The following THADA variants were observed in gnomAD, a reference collection of about 807,000 sequenced individuals.
THADA encodes THADA armadillo repeat containing.
Under a neutral mutation model 219.8 loss-of-function variants are expected in THADA, and 213 were observed. That is an observed-to-expected ratio of 0.97 (90% confidence interval 0.87 to 1.09). The LOEUF (loss-of-function observed/expected upper bound fraction) is 1.09. Among genes scored for constraint, THADA ranks in the 50% least tolerant of loss-of-function variants. The pLI is 0.00. For synonymous variants in THADA, 1,018 were observed against 828.9 expected, an observed-to-expected ratio of 1.23 and a Z score of -3.92; for missense variants, 2,956 against 2,311.3, an observed-to-expected ratio of 1.28 and a Z score of -5.72.
At chr2:43,383,079 A>C (rs1469701838) in intron 29 of THADA, among the ~76,000 whole-genome samples, 1 of 152,218 alleles carries the variant, frequency 6.6e-6, no homozygotes, top group Non-Finnish European at 1.5e-5. Context: ...ACAACAAAGA[A>C]AGCACCATGT....
chr2:43,518,870 T>C (rs909307375), intron 22 of THADA, among the ~76,000 whole-genome samples: 5 of 152,054 alleles, frequency 3.3e-5, no homozygotes, highest in African/African-American at 1.2e-4. Context: ...ACTGCTAAAA[T>C]ATTGGGGGAG....
intron 26 of THADA, among the ~76,000 whole-genome samples, chr2:43,454,271 C>T (rs1682714484): frequency 6.6e-6 from 1 of 152,152 alleles, no homozygotes; most frequent in African/African-American, 2.4e-5. Flanking sequence ...AGAAATTCCA[C>T]TTTGTCCATT....
chr2:43,455,975 C>A (rs947674057), intron 26 of THADA, among the ~76,000 whole-genome samples: 2 of 152,122 alleles, frequency 1.3e-5, no homozygotes, highest in Admixed American at 1.3e-4. Flanking sequence ...CAATTATATT[C>A]ACTGTTATTT....
chr2:43,287,305 T>A (rs546090501), intron 34 of THADA, among the ~76,000 whole-genome samples: 1 of 152,158 alleles, frequency 6.6e-6, no homozygotes, highest in Non-Finnish European at 1.5e-5. Context: ...AGTCTTTTTT[T>A]TTGGTTTGAG....
At chr2:43,471,320 C>G (rs1684877370) in intron 26 of THADA, among the ~76,000 whole-genome samples, 1 of 152,044 alleles carries the variant, frequency 6.6e-6, no homozygotes, top group South Asian at 2.1e-4. Context: ...GAGCCCAGGA[C>G]TTTGAGACCA....
At chr2:43,372,129 A>G (rs923108450) in intron 29 of THADA, 3 of 152,234 alleles carry the variant, frequency 2.0e-5, no homozygotes, top group Admixed American at 2.0e-4. Context: ...TCAGCTAAAC[A>G]ATTTTTAAAC....
At chr2:43,584,164 G>A (rs1700764793) in intron 7 of THADA, among the ~76,000 whole-genome samples, 1 of 151,824 alleles carries the variant, frequency 6.6e-6, no homozygotes, top group African/African-American at 2.4e-5. Context: ...TAGAATAGAG[G>A]TTACCTGGGG....
At chr2:43,442,637 A>T (rs1259238436) in intron 26 of THADA, among the ~76,000 whole-genome samples, 1 of 152,216 alleles carries the variant, frequency 6.6e-6, no homozygotes, top group Non-Finnish European at 1.5e-5. Flanking sequence ...TGCCAAGCTA[A>T]GCAGCTTTGC....
intron 31 of THADA, among the ~76,000 whole-genome samples, chr2:43,311,255 C>G (rs2104438190): frequency 6.6e-6 from 1 of 151,938 alleles, no homozygotes; most frequent in African/African-American, 2.4e-5. Flanking sequence ...TATAAATGAC[C>G]AACTAGCACT....
At chr2:43,381,251 G>A (rs1018509670) in intron 29 of THADA, among the ~76,000 whole-genome samples, 1 of 152,010 alleles carries the variant, frequency 6.6e-6, no homozygotes, top group African/African-American at 2.4e-5. Flanking sequence ...ATGTAATACT[G>A]GATTATAACC....
rs71410163 is a variant in THADA, at chr2:43,310,226, GCCCC to G, written c.4438+10216_4438+10219del. 5.1e-3 allele frequency among the ~76,000 whole-genome samples: 278 copies of G among 54,082 alleles called. 13 individuals carry two copies. Among genetic ancestry groups the G allele is most frequent in the African/African-American group, 0.018 (267 of 14,910 alleles). 35.5% of individuals were successfully genotyped at this position (54,082 alleles called of 152,430 possible). A position where few individuals can be genotyped will look rare whatever the true frequency, so the allele number is the denominator to read the frequency against. On this transcript the variant is annotated intron_variant, in intron 31 of 37. Transcript: ENST00000405975. ...CCCTCCCTCCCTCCCTCCCTTTCCCGCCCCCCCCCCAAACAAGCTGATCCTAAAA... is the reference window on the plus strand; with the variant it reads ...CCCTCCCTCCCTCCCTCCCTTTCCCGCCCCCCAAACAAGCTGATCCTAAAA...
intron 30 of THADA, among the ~76,000 whole-genome samples, chr2:43,341,630 C>G (rs990583013): frequency 1.3e-5 from 2 of 152,092 alleles, no homozygotes; most frequent in Non-Finnish European, 2.9e-5. Context: ...GAGTAGCAAG[C>G]TAAGGGGGCA....
chr2:43,470,718 T>C (rs1684811888), intron 26 of THADA, among the ~76,000 whole-genome samples: 1 of 152,202 alleles, frequency 6.6e-6, no homozygotes, highest in Non-Finnish European at 1.5e-5. Flanking sequence ...AATAAGCATA[T>C]ACTACTTTCA....
At chr2:43,484,708 A>G (rs1313499649) in intron 26 of THADA, among the ~76,000 whole-genome samples, 1 of 152,128 alleles carries the variant, frequency 6.6e-6, no homozygotes, top group African/African-American at 2.4e-5. Context: ...TTAGAGGTTA[A>G]ACATAAAACT....
At chr2:43,433,733 G>A (rs1253913793) in intron 26 of THADA, among the ~76,000 whole-genome samples, 1 of 152,026 alleles carries the variant, frequency 6.6e-6, no homozygotes, top group African/African-American at 2.4e-5. Flanking sequence ...TGTTGCCCAG[G>A]CTGGAGTGCA....
At chr2:43,312,969 T>G (rs1677681245) in intron 31 of THADA, among the ~76,000 whole-genome samples, 1 of 152,204 alleles carries the variant, frequency 6.6e-6, no homozygotes, top group Non-Finnish European at 1.5e-5. Context: ...CTAATTAGAC[T>G]AAATAATCAA....
chr2:43,233,119 T>G (rs1422483666), intron 36 of THADA: 3 of 516,764 alleles, frequency 5.8e-6, no homozygotes, highest in Non-Finnish European at 1.0e-5. Flanking sequence ...CCTAACTCAG[T>G]GTGGACAGAA....
Position 43,299,181 on chromosome 2 carries a change from T to TA in THADA, c.4439-5969_4439-5968insT, listed in dbSNP as rs766457872. ...GATGTCTCATTATATATGCAAATATTTAAAAAAAAAAAACCCAAACCTGAA... is the reference window on the plus strand; with the variant it reads ...GATGTCTCATTATATATGCAAATATTATAAAAAAAAAAAACCCAAACCTGAA... On this transcript the variant is annotated intron_variant, in intron 31 of 37. Transcript: ENST00000405975. Among the ~76,000 whole-genome samples, 5 of 146,046 alleles carry TA rather than the reference T, an allele frequency of 3.4e-5. No individual in the cohort carries two copies. The East Asian group carries it at 7.9e-4, about 23-fold the overall frequency.
Position 43,508,645 on chromosome 2 carries a change from T to C in THADA, c.3507+3A>G, listed in dbSNP as rs943620170. On this transcript the variant is annotated splice_donor_region_variant and intron_variant, in intron 23 of 37. Transcript: ENST00000405975. ...AAACAGCTAGGGTCCTACAGATAAA[T>C]ACCTGTATGTAGAAAGGAATTCCAG... 1.2e-6 allele frequency: 2 copies of C among 1,612,458 alleles called. No individual in the cohort carries two copies. The highest frequency in any genetic ancestry group is 1.7e-6 in the Non-Finnish European group (2 of 1,179,290).
Sources: allele counts gnomAD v4.1 joint callset (sites outside exome capture counted in the v4.1 genomes callset), GRCh38; gene constraint gnomAD v4.1.1; transcripts MANE v1.5; gene names NCBI Gene and HGNC (gene_info 2026-07-23, HGNC 2026-07-21).